CUL2: variants seen among roughly 807,000 people sequenced by gnomAD.
CUL2 encodes the protein cullin-2.
A neutral mutation model predicts 110.2 loss-of-function variants in CUL2; 22 were observed. That is an observed-to-expected ratio of 0.20 (90% CI 0.14 to 0.28). CUL2 has a LOEUF of 0.28. Ranked by LOEUF, CUL2 falls within the 10% of genes least tolerant of loss-of-function variation. CUL2 has a pLI of 1.00. For missense variants in CUL2, 631 were observed against 905.5 expected (o/e 0.70, Z 3.89); for synonymous variants, 279 against 293.2 (o/e 0.95, Z 0.49).
At chr10:35,051,357 T>C (rs2086104798) in intron 5 of CUL2, among the ~76,000 whole-genome samples, 1 of 150,636 alleles carries the variant, frequency 6.6e-6, no homozygotes, top group African/African-American at 2.5e-5. Context: ...CTCACGCCTG[T>C]AATCCCAGCA....
Position 35,010,128 on chromosome 10 carries a change from C to A in CUL2, c.*183G>T. 1 of 397,304 alleles carries A rather than the reference C, an allele frequency of 2.5e-6. No individual in the cohort carries two copies. The highest frequency in any genetic ancestry group is 9.8e-5 in the South Asian group (1 of 10,236). The allele number at this position is 397,304 out of a possible 1,614,324, so 24.6% of individuals were successfully genotyped here. A position where few individuals can be genotyped will look rare whatever the true frequency, so the allele number is the denominator to read the frequency against. ...TTAAGAAATGTCATAATGACATGAG[C>A]TTGAAATATCTCTAGGCATTTTCTT... is the stretch of plus-strand genomic sequence containing the variant. On this transcript the variant is annotated 3_prime_UTR_variant, in exon 21 of 21. Transcript: ENST00000374749.
chr10:35,020,273 TG>T (rs2134658186), intron 17 of CUL2, among the ~76,000 whole-genome samples: 1 of 151,566 alleles, frequency 6.6e-6, no homozygotes, highest in African/African-American at 2.4e-5. Context: ...TGCTGAGAAG[TG>T]GGGAGGTGGA....
chr10:35,103,963 C>A lies in CUL2; in HGVS notation c.-50-2903G>T, dbSNP rs567201314. ...AGAATGTAAAAATGCAAATAAAAAA[C>A]GCTAGTGCCTGGCATAGGGCCTTGG... On this transcript the variant is annotated intron_variant, in intron 1 of 5. Transcript: ENST00000685421. Among the ~76,000 whole-genome samples the A allele has an allele frequency of 7.4e-4, 112 of 151,954 alleles. 1 individual carries two copies. The highest frequency in any genetic ancestry group is 2.6e-3 in the African/African-American group (108 of 41,466).
At chr10:35,111,403 C>T (rs939039898) in intron 1 of CUL2, among the ~76,000 whole-genome samples, 5 of 151,850 alleles carry the variant, frequency 3.3e-5, no homozygotes, top group African/African-American at 9.7e-5. Flanking sequence ...AGGTGTGCAC[C>T]ACCACGCCTA....
chr10:35,033,016 T>G (rs1169417102), intron 11 of CUL2, 150 bp downstream of exon 11: 2 of 415,510 alleles, frequency 4.8e-6, no homozygotes, highest in African/African-American at 4.1e-5. Context: ...AATTTAAAAA[T>G]TATATTATTT....
At chr10:35,126,702 C>T (rs2135175705), upstream of CUL2, 1 of 153,186 alleles carries the variant, frequency 6.5e-6, no homozygotes, top group African/African-American at 2.4e-5. Flanking sequence ...CTTCCGGTTT[C>T]CAGCCTTGCC....
intron 15 of CUL2, among the ~76,000 whole-genome samples, chr10:35,029,272 G>A (rs776013400): frequency 6.6e-6 from 1 of 152,078 alleles, no homozygotes; most frequent in African/African-American, 2.4e-5. Context: ...GGCCAGGCTG[G>A]TCTGGAACTC....
chr10:35,083,328 T>C (rs534537831), intron 1 of CUL2, among the ~76,000 whole-genome samples: 7 of 152,294 alleles, frequency 4.6e-5, no homozygotes, highest in African/African-American at 1.7e-4. Context: ...AACACACATA[T>C]ACATGCAGAT....
At chr10:35,080,706 T>C (rs1431538021) in intron 1 of CUL2, among the ~76,000 whole-genome samples, 1 of 152,098 alleles carries the variant, frequency 6.6e-6, no homozygotes, top group Non-Finnish European at 1.5e-5. Context: ...CCACCAGCCT[T>C]GGCCTCCCAA....
chr10:35,024,318 A>ATTT (rs1427081739), intron 17 of CUL2, among the ~76,000 whole-genome samples: 3 of 152,224 alleles, frequency 2.0e-5, no homozygotes, highest in African/African-American at 7.2e-5. Flanking sequence ...AATTAGTCAA[A>ATTT]TAAACACCAA....
At chr10:35,075,808 A>G (rs2086805328) in intron 1 of CUL2, among the ~76,000 whole-genome samples, 1 of 152,250 alleles carries the variant, frequency 6.6e-6, no homozygotes, top group Non-Finnish European at 1.5e-5. Flanking sequence ...AAACACTTGT[A>G]GATTTGATTT....
chr10:35,126,053 C>G (rs532530986), intron 1 of CUL2, among the ~76,000 whole-genome samples: 1 of 152,246 alleles, frequency 6.6e-6, no homozygotes, highest in Admixed American at 6.5e-5. Context: ...TGCTCCTGAC[C>G]TCAGGTGATC....
intron 8 of CUL2, among the ~76,000 whole-genome samples, chr10:35,042,830 G>A (rs2085829292): frequency 6.6e-6 from 1 of 152,144 alleles, no homozygotes; most frequent in Non-Finnish European, 1.5e-5. Flanking sequence ...TGTACTGTAG[G>A]ACTTCAACTT....
chr10:35,068,876 T>C (rs1324401042), intron 2 of CUL2, among the ~76,000 whole-genome samples: 1 of 152,176 alleles, frequency 6.6e-6, no homozygotes, highest in African/African-American at 2.4e-5. Context: ...CTTTTATTTA[T>C]TTATTTTTGA....
intron 2 of CUL2, among the ~76,000 whole-genome samples, chr10:35,063,351 A>T (rs959834374): frequency 6.6e-6 from 1 of 152,178 alleles, no homozygotes; most frequent in Non-Finnish European, 1.5e-5. Context: ...GTTTCTGGAA[A>T]ATCAAATTAC....
rs888581128 is a variant in CUL2, at chr10:35,072,228, TA to T, written c.-22-890del. On this transcript the variant is annotated intron_variant, in intron 1 of 20. Transcript: ENST00000374749. ...TAAAATTCACATGACCTTTTAAGAT[TA>T]AAAAAAAAAGATTCCACAGAAATGT... is the stretch of plus-strand genomic sequence containing the variant. Among the ~76,000 whole-genome samples, 46 of 148,872 alleles carry T rather than the reference TA, an allele frequency of 3.1e-4. 1 individual carries two copies. The highest frequency in any genetic ancestry group is 2.8e-3 in the South Asian group (13 of 4,688).
chr10:35,029,247 G>A (rs548374693), intron 15 of CUL2, among the ~76,000 whole-genome samples: 45 of 152,056 alleles, frequency 3.0e-4, no homozygotes, highest in African/African-American at 6.5e-4. Flanking sequence ...TAGTAGAGAC[G>A]GGTTTTCACA....
intron 8 of CUL2, among the ~76,000 whole-genome samples, chr10:35,040,170 TA>T (rs987699372): frequency 7.2e-5 from 11 of 151,914 alleles, no homozygotes; most frequent in Non-Finnish European, 1.3e-4. Context: ...TAAATATAAA[TA>T]AAAAATAAAA....
At chr10:35,057,097 C>T (rs1397530810) in intron 4 of CUL2, among the ~76,000 whole-genome samples, 3 of 152,176 alleles carry the variant, frequency 2.0e-5, no homozygotes, top group African/African-American at 7.2e-5. Context: ...CCTTTACCTA[C>T]ATAATAAGTG....
Sources: gnomAD v4.1 joint callset for allele counts (sites outside exome capture counted in the v4.1 genomes callset) on GRCh38, gnomAD v4.1.1 for gene constraint, MANE v1.5 for transcripts, NCBI Gene and HGNC (gene_info 2026-07-23, HGNC 2026-07-21) for gene names.